The following RASA1 variants were observed in gnomAD, a reference collection of about 807,000 sequenced individuals.
The protein encoded by RASA1 is RAS p21 protein activator 1, also known as ras GTPase-activating protein 1.
A neutral mutation model predicts 132.2 loss-of-function variants in RASA1; 25 were observed. The observed-to-expected ratio is 0.19, with a 90% CI of 0.14 to 0.26. The LOEUF (loss-of-function observed/expected upper bound fraction) is 0.26. Ranked by LOEUF, RASA1 falls within the 10% of genes least tolerant of loss-of-function variation. The pLI, the probability that RASA1 is intolerant of heterozygous loss-of-function variation, is 1.00. For missense variants in RASA1, 964 were observed against 1,299.2 expected (o/e 0.74, Z 3.97); for synonymous variants, 477 against 449.9 (o/e 1.06, Z -0.76).
chr5:87,347,683 T>C (rs1758960226), intron 7 of RASA1, among the ~76,000 whole-genome samples: 1 of 152,012 alleles, frequency 6.6e-6, no homozygotes. Context: ...CTCAATTTTA[T>C]TGTGAAGCTG....
At chr5:87,344,542 T>TG (rs1430608696) in intron 6 of RASA1, among the ~76,000 whole-genome samples, 28 of 152,004 alleles carry the variant, frequency 1.8e-4, no homozygotes, top group African/African-American at 6.8e-4. Context: ...GATAGGTTCT[T>TG]GCCATTGCCC....
chr5:87,361,003 C>CT (rs1352251217), intron 9 of RASA1, among the ~76,000 whole-genome samples: 18 of 152,176 alleles, frequency 1.2e-4, no homozygotes, highest in Non-Finnish European at 2.2e-4. Flanking sequence ...TGCCGCAATA[C>CT]TTTGCAACAC....
chr5:87,303,083 ATG>A (rs1755446472), intron 1 of RASA1, among the ~76,000 whole-genome samples: 1 of 152,116 alleles, frequency 6.6e-6, no homozygotes, highest in Non-Finnish European at 1.5e-5. Context: ...TTTTTCATAC[ATG>A]TGTGAGTTTG....
intron 9 of RASA1, among the ~76,000 whole-genome samples, chr5:87,359,734 T>C (rs1209163932): frequency 6.6e-6 from 1 of 152,218 alleles, no homozygotes; most frequent in East Asian, 1.9e-4. Flanking sequence ...TTAATTTTTT[T>C]ATATTCCTAA....
At chr5:87,390,382 C>T (rs1237635105) in intron 24 of RASA1, among the ~76,000 whole-genome samples, 1 of 152,158 alleles carries the variant, frequency 6.6e-6, no homozygotes, top group Non-Finnish European at 1.5e-5. Flanking sequence ...ACTGAGTTCT[C>T]TACAACCTGA....
chr5:87,343,305 A>T (rs2112404770), intron 6 of RASA1, among the ~76,000 whole-genome samples: 1 of 152,304 alleles, frequency 6.6e-6, no homozygotes, highest in South Asian at 2.1e-4. Context: ...ATTCTAGTTC[A>T]GGACTTTTTA....
chr5:87,377,195 A>C, intron 17 of RASA1, 155 bp downstream of exon 17: 1 of 944,248 alleles, frequency 1.1e-6, no homozygotes, highest in Non-Finnish European at 1.6e-6. Context: ...GTTGGATGTC[A>C]GTTCTGATTA....
chr5:87,300,122 A>G (rs1755295216), intron 1 of RASA1, among the ~76,000 whole-genome samples: 2 of 152,180 alleles, frequency 1.3e-5, no homozygotes, highest in South Asian at 4.1e-4. Flanking sequence ...TAATCCCAGC[A>G]CTTTGAGGGG....
At chr5:87,389,744 C>T (rs1341223451) in intron 24 of RASA1, among the ~76,000 whole-genome samples, 1 of 152,166 alleles carries the variant, frequency 6.6e-6, no homozygotes, top group East Asian at 1.9e-4. Context: ...GCTCTTGAGT[C>T]TGAATGTTAA....
rs201623404 is a variant in RASA1, at chr5:87,280,223, A to G, written c.539+11233A>G. Among the ~76,000 whole-genome samples the G allele has an allele frequency of 2.5e-3, 375 of 152,244 alleles. 5 individuals are homozygous for G. Among genetic ancestry groups the G allele is most frequent in the East Asian group, 3.3e-3 (17 of 5,192 alleles). ...ACCCTCACAGACACACCCAGAAACA[A>G]TGCTTCACCAGCCATCAAGGCATCC... On this transcript the variant is annotated intron_variant, in intron 1 of 24. Transcript: ENST00000274376.
intron 1 of RASA1, chr5:87,294,554 G>A (rs1755039671): frequency 6.6e-6 from 1 of 152,156 alleles, no homozygotes; most frequent in South Asian, 2.1e-4. Flanking sequence ...TGCTTTTGCT[G>A]CATCCCAGAA....
At chr5:87,376,680 C>T in intron 16 of RASA1, 115 bp downstream of exon 16, 1 of 1,345,378 alleles carries the variant, frequency 7.4e-7, no homozygotes, top group Non-Finnish European at 1.0e-6. Flanking sequence ...CACAATGATG[C>T]CAGAGATTTT....
At chr5:87,376,220 C>A in intron 15 of RASA1, 173 bp from the exon 16 acceptor site, 2 of 729,746 alleles carry the variant, frequency 2.7e-6, no homozygotes, top group Non-Finnish European at 4.6e-6. Context: ...TTTAGTGCAC[C>A]GTAGACACTC....
In RASA1 at chr5:87,369,892, C is replaced by G; in HGVS notation, c.1690C>G (p.Gln564Glu). ...IFYFAGETPE[Q>E]AEDWMKGLQA... ...TTACTTTGCAGGAGAAACTCCAGAA[C>G]AAGCAGAGGTAAGATTACTGTTTCT... The change falls in exon 12 of 25, where the codon CAA becomes GAA. Residue 564 changes from glutamine to glutamate, a missense_variant. Around this residue, in one of 6 missense-constraint regions of RASA1, gnomAD observed 346 missense variants for 520.1 expected, o/e 0.67. Coordinates refer to ENST00000274376, the MANE Select transcript of RASA1 (RefSeq NM_002890.3). The G allele has an allele frequency of 6.2e-7, 1 of 1,605,552 alleles. No individual in the cohort carries two copies. The highest frequency in any genetic ancestry group is 1.1e-5 in the South Asian group (1 of 90,850).
chr5:87,312,934 T>A (rs759195850), intron 1 of RASA1, among the ~76,000 whole-genome samples: 1 of 152,214 alleles, frequency 6.6e-6, no homozygotes, highest in Non-Finnish European at 1.5e-5. Context: ...CAGGGAATGA[T>A]CAACTATGAG....
At chr5:87,337,431 C>T (rs972071319) in intron 4 of RASA1, among the ~76,000 whole-genome samples, 4 of 152,020 alleles carry the variant, frequency 2.6e-5, no homozygotes, top group Admixed American at 6.6e-5. Flanking sequence ...GTGAATTAAA[C>T]AAGCCCTGGT....
At chr5:87,320,495 A>G (rs1756706540) in intron 1 of RASA1, among the ~76,000 whole-genome samples, 2 of 152,236 alleles carry the variant, frequency 1.3e-5, no homozygotes, top group Admixed American at 6.5e-5. Flanking sequence ...ACTTACAATC[A>G]TGGCAGAAGG....
intron 1 of RASA1, among the ~76,000 whole-genome samples, chr5:87,304,291 C>T (rs1755507784): frequency 6.6e-6 from 1 of 152,062 alleles, no homozygotes; most frequent in Admixed American, 6.5e-5. Context: ...TTTCATATAG[C>T]CTGACATCTT....
At chr5:87,332,706 TA>T in intron 3 of RASA1, 64 bp downstream of exon 3, 16 of 1,445,036 alleles carry the variant, frequency 1.1e-5, no homozygotes, top group Non-Finnish European at 1.4e-5. Context: ...TGGTTTTAGC[TA>T]TTGCTCAGTT....
Sources: gnomAD v4.1 joint callset for allele counts (sites outside exome capture counted in the v4.1 genomes callset) on GRCh38, gnomAD v4.1.1 for gene constraint, gnomAD v4.1.1 regional missense constraint, MANE v1.5 for transcripts, NCBI Gene and HGNC (gene_info 2026-07-23, HGNC 2026-07-21) for gene names.